Variants in NRG3 observed in about 807,000 individuals in gnomAD.
NRG3 encodes pro-neuregulin-3, membrane-bound isoform.
NRG3 carries 31 observed loss-of-function variants against 66.9 expected under a neutral mutation model. The observed-to-expected ratio is 0.46, with a 90% CI of 0.35 to 0.63. The LOEUF (loss-of-function observed/expected upper bound fraction) is 0.63, where lower values mean the gene tolerates loss of function less well. Ranked by LOEUF, NRG3 falls within the 20% of genes least tolerant of loss-of-function variation. The probability of loss-of-function intolerance (pLI) is 0.00; values close to 1 mark genes in which losing one functional copy is unlikely to be tolerated. For missense variants in NRG3, 910 were observed against 878.9 expected, an observed-to-expected ratio of 1.04 and a Z score of -0.45; for synonymous variants, 393 against 359.4, an observed-to-expected ratio of 1.09 and a Z score of -1.06.
At chr10:82,004,153 G>A (rs1047426830) in intron 1 of NRG3, among the ~76,000 whole-genome samples, 9 of 151,914 alleles carry the variant, frequency 5.9e-5, no homozygotes, top group Non-Finnish European at 1.3e-4. Context: ...GAGAAAATAG[G>A]GTACATGCCA....
chr10:82,637,929 AT>A (rs67215838), intron 2 of NRG3, among the ~76,000 whole-genome samples: 94,575 of 151,884 alleles, frequency 0.62, 29,520 homozygotes, highest in Middle Eastern at 0.71. Flanking sequence ...GTATAAAAAA[AT>A]GTCCTCATTT....
chr10:81,898,577 C>A (rs1843734537), intron 1 of NRG3, among the ~76,000 whole-genome samples: 1 of 152,154 alleles, frequency 6.6e-6, no homozygotes, highest in Non-Finnish European at 1.5e-5. Flanking sequence ...TTATTAAAGG[C>A]AGGGTGACAT....
intron 1 of NRG3, among the ~76,000 whole-genome samples, chr10:82,010,564 T>C (rs944214960): frequency 3.3e-5 from 5 of 152,208 alleles, no homozygotes; most frequent in African/African-American, 1.2e-4. Flanking sequence ...CTTCCAGTGT[T>C]CAAGTCTGCT....
intron 2 of NRG3, among the ~76,000 whole-genome samples, chr10:82,732,830 C>G (rs756701709): frequency 1.3e-5 from 2 of 152,168 alleles, no homozygotes; most frequent in African/African-American, 4.8e-5. Flanking sequence ...AAATGCCAGA[C>G]GATCTTTCCA....
intron 1 of NRG3, among the ~76,000 whole-genome samples, chr10:82,005,687 AT>A (rs2061351438): frequency 6.6e-6 from 1 of 152,118 alleles, no homozygotes; most frequent in Admixed American, 6.5e-5. Flanking sequence ...CTTAACTTGA[AT>A]TTTAAACTTC....
At chr10:81,912,116 AT>A (rs1028416972) in intron 1 of NRG3, among the ~76,000 whole-genome samples, 2 of 151,852 alleles carry the variant, frequency 1.3e-5, no homozygotes, top group East Asian at 1.9e-4. Context: ...TACTTTTCAC[AT>A]TTTTTTCTTT....
At chr10:82,862,388 C>T (rs2064176678) in intron 3 of NRG3, among the ~76,000 whole-genome samples, 1 of 152,152 alleles carries the variant, frequency 6.6e-6, no homozygotes, top group African/African-American at 2.4e-5. Context: ...CAAGGTTTAG[C>T]TTATAGTAAT....
At chr10:82,227,836 T>G (rs1246998534) in intron 1 of NRG3, among the ~76,000 whole-genome samples, 1 of 152,206 alleles carries the variant, frequency 6.6e-6, no homozygotes, top group Non-Finnish European at 1.5e-5. Context: ...AACATCTCAT[T>G]ACTTTCCTTT....
chr10:81,959,238 A>G (rs1044061658), intron 1 of NRG3, among the ~76,000 whole-genome samples: 3 of 152,170 alleles, frequency 2.0e-5, no homozygotes, highest in African/African-American at 7.2e-5. Flanking sequence ...CAGATCAGAG[A>G]ACTCCCTTGT....
chr10:82,706,493 C>T (rs1435009624), intron 2 of NRG3, among the ~76,000 whole-genome samples: 2 of 152,088 alleles, frequency 1.3e-5, no homozygotes, highest in Non-Finnish European at 2.9e-5. Context: ...ATTCTTTCTT[C>T]CTTATATAAA....
Position 82,029,533 on chromosome 10 carries a change from A to T in NRG3, c.823+153370A>T, listed in dbSNP as rs10786833. On this transcript the variant is annotated intron_variant, in intron 1 of 8. Coordinates refer to ENST00000372141, the MANE Select transcript of NRG3 (RefSeq NM_001010848.4). The stretch of plus-strand genomic sequence containing the variant: ...CCTGGGATCTCACCTGCCTTGCTGT[A>T]TTATCTGCTGGCGTCTCCAAGGGTG... Among the ~76,000 whole-genome samples, 84 of 152,256 alleles carry T rather than the reference A, an allele frequency of 5.5e-4. No homozygotes were observed. In the East Asian group the frequency reaches 0.016, roughly 29 times the overall value.
At chr10:82,535,228 G>A (rs1397775177) in intron 2 of NRG3, among the ~76,000 whole-genome samples, 1 of 149,672 alleles carries the variant, frequency 6.7e-6, no homozygotes, top group East Asian at 2.0e-4. Context: ...GCATAATCTA[G>A]TGAGGAAAAT....
intron 4 of NRG3, among the ~76,000 whole-genome samples, chr10:82,912,079 T>A (rs1430893912): frequency 1.3e-5 from 2 of 152,316 alleles, no homozygotes; most frequent in East Asian, 3.9e-4. Context: ...TGTTAAGATA[T>A]GTTTTGTGAC....
chr10:82,635,975 C>T (rs771937201), intron 2 of NRG3, among the ~76,000 whole-genome samples: 26 of 151,860 alleles, frequency 1.7e-4, no homozygotes, highest in Admixed American at 7.2e-4. Flanking sequence ...TGGCTTCGTG[C>T]GTAGTGTCAA....
intron 1 of NRG3, among the ~76,000 whole-genome samples, chr10:81,876,450 G>A (rs898478221): frequency 6.6e-6 from 1 of 152,172 alleles, no homozygotes; most frequent in Non-Finnish European, 1.5e-5. Context: ...TCCCTTCAAA[G>A]GGTTAACGCG....
chr10:82,627,130 A>T (rs1005732657), intron 2 of NRG3, among the ~76,000 whole-genome samples: 1 of 152,072 alleles, frequency 6.6e-6, no homozygotes, highest in Admixed American at 6.6e-5. Context: ...AAAAATAAGG[A>T]TCTCCAGAAG....
intron 3 of NRG3, among the ~76,000 whole-genome samples, chr10:82,782,321 C>A (rs2060149922): frequency 6.6e-6 from 1 of 152,138 alleles, no homozygotes; most frequent in Admixed American, 6.6e-5. Context: ...CCTCTTTCTC[C>A]TGCATGTGCT....
intron 3 of NRG3, among the ~76,000 whole-genome samples, chr10:82,854,137 A>G (rs1740419814): frequency 6.6e-6 from 1 of 152,224 alleles, no homozygotes; most frequent in African/African-American, 2.4e-5. Flanking sequence ...ATTAATTATG[A>G]TATAGATATA....
chr10:82,137,058 T>C (rs2132589894), intron 1 of NRG3, among the ~76,000 whole-genome samples: 1 of 152,318 alleles, frequency 6.6e-6, no homozygotes, highest in African/African-American at 2.4e-5. Flanking sequence ...TGGAGGTGCT[T>C]TCTTGTGTGG....
Sources: gnomAD v4.1 joint callset for allele counts (sites outside exome capture counted in the v4.1 genomes callset) on GRCh38, gnomAD v4.1.1 for gene constraint, MANE v1.5 for transcripts, NCBI Gene and HGNC (gene_info 2026-07-23, HGNC 2026-07-21) for gene names.